LHFPL4: variants seen among roughly 807,000 people sequenced by gnomAD.
The protein encoded by LHFPL4 is LHFPL tetraspan subfamily member 4, also known as LHFPL tetraspan subfamily member 4 protein.
Under a neutral mutation model 20.0 loss-of-function variants are expected in LHFPL4, and 6 were observed. The ratio of observed to expected loss-of-function variants is 0.30; its 90% CI spans 0.16 to 0.59. LHFPL4 has a LOEUF of 0.59. Ranked by LOEUF, LHFPL4 falls within the 20% of genes least tolerant of loss-of-function variation. LHFPL4 has a pLI of 0.88. For synonymous variants in LHFPL4, 129 were observed against 143.8 expected, an observed-to-expected ratio of 0.90 and a Z score of 0.74; for missense variants, 215 against 331.2, an observed-to-expected ratio of 0.65 and a Z score of 2.72.
At chr3:9,516,189 T>G (rs2046299934) in intron 2 of LHFPL4, among the ~76,000 whole-genome samples, 1 of 152,218 alleles carries the variant, frequency 6.6e-6, no homozygotes, top group African/African-American at 2.4e-5. Context: ...TCTAGCTTTT[T>G]TTAGCCTATA....
chr3:9,537,987 C>T (rs1444619788), intron 2 of LHFPL4, among the ~76,000 whole-genome samples: 1 of 152,284 alleles, frequency 6.6e-6, no homozygotes, highest in East Asian at 1.9e-4. Context: ...TCTTCCTCCA[C>T]CCTAGGTCTG....
intron 2 of LHFPL4, among the ~76,000 whole-genome samples, chr3:9,543,729 G>GTTTTTTTTTTTTTTTTTTTTTTTTTTT (rs58872967): frequency 8.4e-6 from 1 of 119,652 alleles, no homozygotes. Context: ...TTTGGTTTTG[G>GTTTTTTTTTTTTTTTTTTTTTTTTTTT]TTTTTTTTTT....
At chr3:9,516,601 G>A (rs1382723757) in intron 2 of LHFPL4, among the ~76,000 whole-genome samples, 2 of 151,898 alleles carry the variant, frequency 1.3e-5, no homozygotes, top group Non-Finnish European at 2.9e-5. Context: ...AGCCTCCTGA[G>A]TAGCTGAGAC....
At position 9,498,605 on chromosome 3, in the gene LHFPL4, G is replaced by A. The variant is rs2046147529; in HGVS notation, c.*3606C>T. On this transcript the variant is annotated 3_prime_UTR_variant, in exon 4 of 4. Coordinates refer to ENST00000287585, the MANE Select transcript of LHFPL4 (RefSeq NM_198560.3). ...TCTGCGGAAGGCTCCCTTGTTCCCTGTTCAGGAAACTCCAGTCCCACCCAA... is the reference window on the plus strand; with the variant it reads ...TCTGCGGAAGGCTCCCTTGTTCCCTATTCAGGAAACTCCAGTCCCACCCAA... 6.5e-6 allele frequency: 1 copy of A among 152,688 alleles called. No individual in the cohort carries two copies. Among genetic ancestry groups the A allele is most frequent in the Admixed American group, 6.5e-5 (1 of 15,280 alleles). The allele number at this position is 152,688 out of a possible 1,614,324, so 9.5% of individuals were successfully genotyped here. A position where few individuals can be genotyped will look rare whatever the true frequency, so the allele number is the denominator to read the frequency against.
At chr3:9,534,108 C>T (rs540258183) in intron 2 of LHFPL4, among the ~76,000 whole-genome samples, 11 of 151,548 alleles carry the variant, frequency 7.3e-5, no homozygotes, top group East Asian at 2.0e-4. Context: ...CAGTAGTCCC[C>T]GCTATTTGGG....
intron 2 of LHFPL4, among the ~76,000 whole-genome samples, chr3:9,544,598 C>G (rs1029740952): frequency 1.8e-4 from 28 of 152,170 alleles, no homozygotes; most frequent in African/African-American, 6.5e-4. Flanking sequence ...GCACTCCAGA[C>G]CAGGCCATAG....
chr3:9,505,803 C>G (rs2046213852), intron 3 of LHFPL4, among the ~76,000 whole-genome samples, 164 bp downstream of exon 3: 1 of 152,220 alleles, frequency 6.6e-6, no homozygotes, highest in Admixed American at 6.5e-5. Context: ...AAGCGATCTA[C>G]CTGCCTTGGC....
intron 2 of LHFPL4, among the ~76,000 whole-genome samples, chr3:9,528,654 C>A (rs1203387098): frequency 6.6e-6 from 1 of 152,138 alleles, no homozygotes; most frequent in African/African-American, 2.4e-5. Flanking sequence ...CTTGCTCTGT[C>A]GCCCAGGCTG....
At chr3:9,546,082 G>C (rs1410032662) in intron 2 of LHFPL4, among the ~76,000 whole-genome samples, 1 of 151,964 alleles carries the variant, frequency 6.6e-6, no homozygotes, top group Admixed American at 6.6e-5. Flanking sequence ...GGGAGGCCGA[G>C]GCCAGCGGAT....
intron 2 of LHFPL4, among the ~76,000 whole-genome samples, chr3:9,528,642 G>T (rs1351822260): frequency 6.6e-6 from 1 of 152,092 alleles, no homozygotes; most frequent in Non-Finnish European, 1.5e-5. Context: ...TTGAGACGGA[G>T]TCTTGCTCTG....
intron 2 of LHFPL4, among the ~76,000 whole-genome samples, chr3:9,510,032 CT>C (rs1180774673): frequency 2.0e-5 from 3 of 152,216 alleles, no homozygotes; most frequent in Non-Finnish European, 4.4e-5. Flanking sequence ...AGCCTCAATG[CT>C]TTTGACATTC....
intron 3 of LHFPL4, among the ~76,000 whole-genome samples, chr3:9,503,895 G>A (rs749409193): frequency 2.6e-5 from 4 of 151,920 alleles, no homozygotes; most frequent in Non-Finnish European, 4.4e-5. Flanking sequence ...GCGTGGTGGC[G>A]CATGCCTGTA....
chr3:9,531,820 G>A (rs967189909), intron 2 of LHFPL4, among the ~76,000 whole-genome samples: 1 of 151,556 alleles, frequency 6.6e-6, no homozygotes. Flanking sequence ...GAAAAGAAAA[G>A]AAAAGAAAAG....
intron 2 of LHFPL4, among the ~76,000 whole-genome samples, chr3:9,525,632 C>T (rs1178649151): frequency 1.3e-5 from 2 of 152,074 alleles, no homozygotes; most frequent in South Asian, 4.1e-4. Flanking sequence ...GATATGCATA[C>T]TATGAAATGC....
At chr3:9,507,251 G>T (rs1298726818) in intron 2 of LHFPL4, among the ~76,000 whole-genome samples, 1 of 152,242 alleles carries the variant, frequency 6.6e-6, no homozygotes, top group Non-Finnish European at 1.5e-5. Flanking sequence ...GCGGGGTGGG[G>T]AGACTTGGAT....
intron 2 of LHFPL4, among the ~76,000 whole-genome samples, chr3:9,527,809 A>ACAC (rs2046384770): frequency 7.0e-6 from 1 of 143,180 alleles, no homozygotes; most frequent in Admixed American, 7.0e-5. Flanking sequence ...TTCAAATACA[A>ACAC]ACACACACAC....
chr3:9,522,910 G>A (rs1384844559), intron 2 of LHFPL4, among the ~76,000 whole-genome samples: 2 of 151,492 alleles, frequency 1.3e-5, no homozygotes, highest in Admixed American at 1.3e-4. Flanking sequence ...GCGTGGTGGT[G>A]GGTGCATGTA....
Position 9,542,806 on chromosome 3 carries a change from C to CAA in LHFPL4, c.406+9466_406+9467dup, listed in dbSNP as rs148495276. Among the ~76,000 whole-genome samples, 440 of 78,384 alleles carry CAA rather than the reference C, an allele frequency of 5.6e-3. 7 individuals are homozygous for CAA. The highest frequency in any genetic ancestry group is 0.014 in the Middle Eastern group (2 of 144). 51.4% of individuals were successfully genotyped at this position (78,384 alleles called of 152,430 possible). A position where few individuals can be genotyped will look rare whatever the true frequency, so the allele number is the denominator to read the frequency against. On this transcript the variant is annotated intron_variant, in intron 2 of 3. Coordinates refer to ENST00000287585, the MANE Select transcript of LHFPL4 (RefSeq NM_198560.3). ...TGGGTAACAGAGCAAGGCCCTATCT[C>CAA]AAAAAAAAAAAAAAAAAAAAGTCAC...
chr3:9,520,385 G>A (rs576156221), intron 2 of LHFPL4, among the ~76,000 whole-genome samples: 1 of 152,102 alleles, frequency 6.6e-6, no homozygotes, highest in African/African-American at 2.4e-5. Context: ...ATGGAGTCTT[G>A]CTCTGTTACC....
Sources: allele counts gnomAD v4.1 joint callset (sites outside exome capture counted in the v4.1 genomes callset), GRCh38; gene constraint gnomAD v4.1.1; transcripts MANE v1.5; gene names NCBI Gene and HGNC (gene_info 2026-07-23, HGNC 2026-07-21).